The following SLC25A21 variants were observed in gnomAD, a reference collection of about 807,000 sequenced individuals.
SLC25A21 encodes the protein mitochondrial 2-oxodicarboxylate carrier.
In SLC25A21, 47 loss-of-function variants were observed where a neutral mutation model predicts 43.8. The observed-to-expected ratio is 1.07, with a 90% confidence interval of 0.85 to 1.37. SLC25A21 has a LOEUF of 1.37. Ranked by LOEUF, SLC25A21 falls within the 40% of genes most tolerant of loss-of-function variation. The pLI, the probability that SLC25A21 is intolerant of heterozygous loss-of-function variation, is 0.00. For synonymous variants in SLC25A21, 131 were observed against 121.3 expected, an observed-to-expected ratio of 1.08 and a Z score of -0.52; for missense variants, 352 against 350.2, an observed-to-expected ratio of 1.00 and a Z score of -0.04.
At chr14:37,154,931 C>T (rs749866417) in intron 1 of SLC25A21, among the ~76,000 whole-genome samples, 1 of 152,140 alleles carries the variant, frequency 6.6e-6, no homozygotes, top group Non-Finnish European at 1.5e-5. Flanking sequence ...TGTGAGGCAC[C>T]ACGCCCGGCC....
chr14:37,137,483 G>A (rs1045719513), intron 1 of SLC25A21, among the ~76,000 whole-genome samples: 2 of 152,082 alleles, frequency 1.3e-5, no homozygotes, highest in South Asian at 4.1e-4. Context: ...AAGAAGCATA[G>A]ATACCAGCTG....
intron 2 of SLC25A21, among the ~76,000 whole-genome samples, chr14:36,839,333 T>C (rs1446778811): frequency 2.6e-5 from 4 of 152,190 alleles, no homozygotes; most frequent in Non-Finnish European, 4.4e-5. Context: ...ATATCTACTA[T>C]AAGGTGGGTA....
At chr14:37,089,064 A>T (rs1477757040) in intron 1 of SLC25A21, among the ~76,000 whole-genome samples, 1 of 152,038 alleles carries the variant, frequency 6.6e-6, no homozygotes, top group African/African-American at 2.4e-5. Context: ...ATCATACTCA[A>T]ATTTCACCCC....
At chr14:36,898,499 C>T (rs1204558556) in intron 1 of SLC25A21, among the ~76,000 whole-genome samples, 3 of 152,166 alleles carry the variant, frequency 2.0e-5, no homozygotes, top group African/African-American at 7.2e-5. Flanking sequence ...GGTGATGCCT[C>T]GCCCTGCTTT....
chr14:36,814,108 T>C (rs923068610), intron 2 of SLC25A21, 107 bp from the exon 3 acceptor site: 35 of 690,354 alleles, frequency 5.1e-5, no homozygotes, highest in Non-Finnish European at 4.2e-5. Context: ...ATCTAGAATA[T>C]TCTGCTTTGG....
rs1555318225 is a variant in SLC25A21 at position 36,679,852 on chromosome 14, T to TTA, written c.*804_*805dup. 5.1e-6 allele frequency: 5 copies of TTA among 984,104 alleles called. No individual in the cohort carries two copies. The African/African-American group carries it at 7.0e-5, about 14-fold the overall frequency. 61.0% of individuals were successfully genotyped at this position (984,104 alleles called of 1,614,324 possible). ...CATGACAATATCTCATCAACAAAAC[T>TTA]TATCTTCAAAGAGAACTATGTGGAG... On this transcript the variant is annotated 3_prime_UTR_variant, in exon 10 of 10. Transcript: ENST00000331299.
chr14:36,681,353 G>A (rs956630718), intron 9 of SLC25A21, among the ~76,000 whole-genome samples: 2 of 152,170 alleles, frequency 1.3e-5, no homozygotes, highest in African/African-American at 4.8e-5. Flanking sequence ...TGGATGGCAT[G>A]AGACCACCAT....
intron 1 of SLC25A21, among the ~76,000 whole-genome samples, chr14:36,935,912 T>C (rs925417383): frequency 6.6e-6 from 1 of 152,154 alleles, no homozygotes; most frequent in African/African-American, 2.4e-5. Flanking sequence ...AGGGGAACCT[T>C]ATGGAGTCCT....
At chr14:36,700,867 T>C (rs891997816) in intron 7 of SLC25A21, among the ~76,000 whole-genome samples, 3 of 152,212 alleles carry the variant, frequency 2.0e-5, no homozygotes, top group African/African-American at 7.2e-5. Flanking sequence ...GCAAGGCAAA[T>C]AATAGCAGCT....
chr14:37,107,836 G>A (rs1414840573), intron 1 of SLC25A21, among the ~76,000 whole-genome samples: 1 of 152,146 alleles, frequency 6.6e-6, no homozygotes, highest in African/African-American at 2.4e-5. Flanking sequence ...AGTCTGAGAA[G>A]CACAGAGAAG....
intron 1 of SLC25A21, among the ~76,000 whole-genome samples, chr14:37,106,240 G>A (rs1012793580): frequency 1.9e-4 from 29 of 151,946 alleles, no homozygotes; most frequent in Admixed American, 9.2e-4. Context: ...CTGTGGGGTC[G>A]GGCAAAAAGA....
chr14:36,965,820 A>G (rs1435713559), intron 1 of SLC25A21, among the ~76,000 whole-genome samples: 1 of 152,176 alleles, frequency 6.6e-6, no homozygotes, highest in Non-Finnish European at 1.5e-5. Context: ...TTGTGAATAT[A>G]CTTTGGTTTG....
intron 3 of SLC25A21, among the ~76,000 whole-genome samples, chr14:36,745,776 G>T (rs113075443): frequency 0.044 from 6,666 of 151,900 alleles, 474 homozygotes; most frequent in African/African-American, 0.15. Context: ...TGCAAAAATT[G>T]TCTCCCATTC....
At chr14:36,884,156 G>A (rs570854966) in intron 1 of SLC25A21, among the ~76,000 whole-genome samples, 5 of 152,116 alleles carry the variant, frequency 3.3e-5, no homozygotes, top group Admixed American at 6.5e-5. Context: ...TTCTCTCCCA[G>A]CCTCTGGCAA....
chr14:36,748,032 T>A (rs994131683), intron 3 of SLC25A21, among the ~76,000 whole-genome samples: 1 of 152,246 alleles, frequency 6.6e-6, no homozygotes, highest in Non-Finnish European at 1.5e-5. Flanking sequence ...ATTTTTTACA[T>A]GACATAGATA....
chr14:36,784,364 G>GT (rs368365241), intron 3 of SLC25A21, among the ~76,000 whole-genome samples: 39 of 151,326 alleles, frequency 2.6e-4, no homozygotes, highest in East Asian at 9.7e-4. Flanking sequence ...AACATTGGCT[G>GT]TTTTTTTTTC....
At chr14:36,964,620 A>G (rs529420307) in intron 1 of SLC25A21, among the ~76,000 whole-genome samples, 8 of 152,352 alleles carry the variant, frequency 5.3e-5, no homozygotes, top group African/African-American at 1.9e-4. Context: ...GAGTGCAATA[A>G]AAGGACAAAG....
At chr14:36,916,666 G>A (rs1891841352) in intron 1 of SLC25A21, among the ~76,000 whole-genome samples, 1 of 152,168 alleles carries the variant, frequency 6.6e-6, no homozygotes, top group Non-Finnish European at 1.5e-5. Context: ...TACAGACCCT[G>A]ACAGAAATAT....
At chr14:36,989,457 G>A (rs766124981) in intron 1 of SLC25A21, among the ~76,000 whole-genome samples, 2 of 151,966 alleles carry the variant, frequency 1.3e-5, no homozygotes, top group African/African-American at 2.4e-5. Flanking sequence ...ATACAATAGT[G>A]GAGGTATGAT....
Sources: gnomAD v4.1 joint callset for allele counts (sites outside exome capture counted in the v4.1 genomes callset) on GRCh38, gnomAD v4.1.1 for gene constraint, MANE v1.5 for transcripts, NCBI Gene and HGNC (gene_info 2026-07-23, HGNC 2026-07-21) for gene names.